Variants in SLC36A1 observed in about 807,000 individuals in gnomAD.
SLC36A1 encodes solute carrier family 36 member 1, also known as proton-coupled amino acid transporter 1.
A neutral mutation model predicts 47.5 loss-of-function variants in SLC36A1; 30 were observed. The ratio of observed to expected loss-of-function variants is 0.63; its 90% CI spans 0.47 to 0.86. The LOEUF is 0.86. Ranked by LOEUF, SLC36A1 falls within the 40% of genes least tolerant of loss-of-function variation. SLC36A1 has a pLI of 0.00. For synonymous variants in SLC36A1, 255 were observed against 249.7 expected (o/e 1.02, Z -0.20); for missense variants, 517 against 606.0 (o/e 0.85, Z 1.54).
intron 1 of SLC36A1, among the ~76,000 whole-genome samples, chr5:151,450,467 T>C (rs1324342424): frequency 6.6e-6 from 1 of 150,542 alleles, no homozygotes; most frequent in Admixed American, 6.6e-5. Flanking sequence ...ATGGAGCAGA[T>C]GTCCACTTAC....
the SLC36A1 span, among the ~76,000 whole-genome samples, chr5:151,518,765 G>A: frequency 6.6e-6 from 1 of 152,190 alleles, no homozygotes; most frequent in Non-Finnish European, 1.5e-5. Flanking sequence ...CTTTGACTGT[G>A]GGACACTCTT....
At chr5:151,413,871 A>G in the SLC36A1 span, among the ~76,000 whole-genome samples, 3 of 152,082 alleles carry the variant, frequency 2.0e-5, no homozygotes, top group Non-Finnish European at 4.4e-5. Context: ...ATACACGTAT[A>G]TATATGTATA....
the SLC36A1 span, chr5:151,542,930 C>T: frequency 5.0e-6 from 8 of 1,614,236 alleles, no homozygotes; most frequent in South Asian, 1.1e-5. Context: ...TTGTTGCTCT[C>T]AGGTGTAGTG....
At chr5:151,541,019 G>A in the SLC36A1 span, among the ~76,000 whole-genome samples, 1 of 152,076 alleles carries the variant, frequency 6.6e-6, no homozygotes, top group Non-Finnish European at 1.5e-5. Flanking sequence ...CTGAAGGCAG[G>A]GTTTTTTGTT....
At position 151,449,115 on chromosome 5, in the gene SLC36A1, T is replaced by G. The variant is rs199959093; in HGVS notation, c.-6+1302T>G. ...CCGCTGTGTACACTGAGTATCAGCC[T>G]TGCAACAAGACTTAATCTAATTGTG... is the stretch of plus-strand genomic sequence containing the variant. On this transcript the variant is annotated intron_variant, in intron 1 of 10. Coordinates refer to ENST00000243389, the MANE Select transcript of SLC36A1 (RefSeq NM_078483.4). 7.9e-5 allele frequency among the ~76,000 whole-genome samples: 12 copies of G among 152,306 alleles called. No individual in the cohort carries two copies. The East Asian group carries it at 2.3e-3, about 29-fold the overall frequency.
chr5:151,476,906 G>A, intron 9 of SLC36A1, 150 bp downstream of exon 9: 1 of 951,264 alleles, frequency 1.1e-6, no homozygotes, highest in Non-Finnish European at 1.6e-6. Context: ...CTCACTGGCT[G>A]CCCTGGACTG....
the SLC36A1 span, chr5:151,543,672 A>G: frequency 6.2e-7 from 1 of 1,614,144 alleles, no homozygotes; most frequent in African/African-American, 1.3e-5. Flanking sequence ...CTGCCTCATA[A>G]AGGTGCTGCT....
chr5:151,531,680 G>C, the SLC36A1 span: 1 of 1,613,840 alleles, frequency 6.2e-7, no homozygotes, highest in Non-Finnish European at 8.5e-7. The surrounding 1 kb of genome is among the most constrained non-coding windows in gnomAD (Gnocchi z 5.7). Context: ...AGGGTGGCCA[G>C]CTGCAGCACC....
the SLC36A1 span, chr5:151,380,634 A>G: frequency 3.6e-6 from 2 of 552,410 alleles, no homozygotes; most frequent in African/African-American, 3.8e-5. Context: ...TAGATGCAGT[A>G]GTGGCTCACA....
At chr5:151,379,817 A>G in the SLC36A1 span, among the ~76,000 whole-genome samples, 1 of 152,238 alleles carries the variant, frequency 6.6e-6, no homozygotes, top group Non-Finnish European at 1.5e-5. Context: ...TTTTATACTT[A>G]TGGCACGTCT....
At chr5:151,528,169 A>G in the SLC36A1 span, 9 of 1,608,490 alleles carry the variant, frequency 5.6e-6, no homozygotes, top group Non-Finnish European at 7.7e-6. Flanking sequence ...ATGGAGGGAC[A>G]GGAATCTTGA....
At chr5:151,406,071 A>G in the SLC36A1 span, among the ~76,000 whole-genome samples, 2 of 152,180 alleles carry the variant, frequency 1.3e-5, no homozygotes, top group Non-Finnish European at 2.9e-5. Flanking sequence ...GACCCCTTCA[A>G]CAAGTCTCTT....
chr5:151,435,568 G>C (rs186157841), upstream of SLC36A1, among the ~76,000 whole-genome samples: 22 of 152,158 alleles, frequency 1.4e-4, no homozygotes, highest in East Asian at 1.2e-3. Context: ...AGTGAATAGA[G>C]ATTTTTTTAA....
the SLC36A1 span, chr5:151,551,427 T>G: frequency 1.9e-6 from 3 of 1,601,294 alleles, no homozygotes; most frequent in Non-Finnish European, 2.6e-6. Context: ...AGGCCTTCCA[T>G]CTCCTCTCAA....
At chr5:151,507,980 G>T in the SLC36A1 span, among the ~76,000 whole-genome samples, 1 of 152,182 alleles carries the variant, frequency 6.6e-6, no homozygotes, top group Non-Finnish European at 1.5e-5. Flanking sequence ...AGTCAGCATT[G>T]CCCAGTTATA....
At chr5:151,396,221 T>A in the SLC36A1 span, among the ~76,000 whole-genome samples, 1 of 152,158 alleles carries the variant, frequency 6.6e-6, no homozygotes, top group Non-Finnish European at 1.5e-5. Flanking sequence ...CAAGCATTTC[T>A]TCTGCCTCAA....
the SLC36A1 span, chr5:151,528,266 C>T: frequency 1.0e-6 from 1 of 966,856 alleles, no homozygotes; most frequent in African/African-American, 1.6e-5. Flanking sequence ...GTTGTCCCTG[C>T]CAAAGTAATC....
At chr5:151,544,926 G>A in the SLC36A1 span, 1 of 1,614,062 alleles carries the variant, frequency 6.2e-7, no homozygotes, top group Admixed American at 1.7e-5. Flanking sequence ...TAAATTTGGG[G>A]GGATTGTCAT....
Position 151,476,667 on chromosome 5 carries a change from C to A in SLC36A1, c.900C>A (p.Thr300=). ...TGTACCTGGGCATGGTCATCGTCAC[C>A]ATCCTCTACATCAGCCTGGGGTGTC... ...LILYLGMVIV[T]ILYISLGCLG... The change falls in exon 9 of 11, where the codon ACC becomes ACA. Residue 300 remains threonine, a synonymous_variant. Transcript: ENST00000243389. 1 of 1,613,512 alleles carries A rather than the reference C, an allele frequency of 6.2e-7. No homozygotes were observed. Among genetic ancestry groups the A allele is most frequent in the Non-Finnish European group, 8.5e-7 (1 of 1,179,734 alleles).
Sources: gnomAD v4.1 joint callset for allele counts (sites outside exome capture counted in the v4.1 genomes callset) on GRCh38, gnomAD v4.1.1 for gene constraint, Gnocchi (gnomAD v3.1) non-coding constraint, MANE v1.5 for transcripts, NCBI Gene and HGNC (gene_info 2026-07-23, HGNC 2026-07-21) for gene names.